SHROOM4: variants seen among roughly 807,000 people sequenced by gnomAD.
The protein encoded by SHROOM4 is shroom family member 4.
SHROOM4 carries 17 observed loss-of-function variants against 80.3 expected under a neutral mutation model. The ratio of observed to expected loss-of-function variants is 0.21; its 90% CI spans 0.14 to 0.32. The LOEUF (loss-of-function observed/expected upper bound fraction) is 0.32, where lower values mean the gene tolerates loss of function less well. Ranked by LOEUF, SHROOM4 falls within the 10% of genes least tolerant of loss-of-function variation. The pLI is 1.00. For synonymous variants in SHROOM4, 400 were observed against 437.5 expected (o/e 0.91, Z 1.07); for missense variants, 993 against 1,140.3 (o/e 0.87, Z 1.86).
chrX:50,627,693 G>A lies in SHROOM4; in HGVS notation c.2896-18C>T, dbSNP rs374467232. On this transcript the variant is annotated intron_variant, in intron 4 of 8. Coordinates refer to ENST00000376020, the MANE Select transcript of SHROOM4 (RefSeq NM_020717.5). ...GGAAATTCCTGTAAAGAAAAATCCT[G>A]ATAAGTTAGAAAGCTTTGAGCAGCC... The A allele has an allele frequency of 3.2e-4, 381 of 1,189,367 alleles. No homozygotes were observed. Among genetic ancestry groups the A allele is most frequent in the Middle Eastern group, 2.1e-3 (9 of 4,269 alleles).
chrX:50,756,604 T>C (rs1261651501), intron 1 of SHROOM4, among the ~76,000 whole-genome samples: 1 of 112,369 alleles, frequency 8.9e-6, no homozygotes, highest in East Asian at 2.8e-4. Flanking sequence ...CCATTTTGCA[T>C]TCGTATCAGC....
intron 1 of SHROOM4, among the ~76,000 whole-genome samples, chrX:50,727,057 T>A (rs782133368): frequency 8.8e-6 from 1 of 113,348 alleles, no homozygotes; most frequent in East Asian, 2.8e-4. Flanking sequence ...CCCTCCTGCA[T>A]CACTATGCCC....
chrX:50,620,747 T>G (rs1930538980), intron 5 of SHROOM4, among the ~76,000 whole-genome samples: 1 of 112,013 alleles, frequency 8.9e-6, no homozygotes, highest in Admixed American at 9.5e-5. Context: ...CTATTTGTAC[T>G]TCTTTAATTG....
chrX:50,646,533 T>A (rs1311702380), intron 2 of SHROOM4, among the ~76,000 whole-genome samples: 1 of 77,961 alleles, frequency 1.3e-5, no homozygotes, highest in Non-Finnish European at 2.3e-5. Context: ...GAAGAGTGTG[T>A]GTGTGTGTGT....
chrX:50,576,724 G>A, the SHROOM4 span, among the ~76,000 whole-genome samples: 1 of 110,867 alleles, frequency 9.0e-6, no homozygotes, highest in Admixed American at 9.6e-5. Flanking sequence ...TGATTCATCT[G>A]TAGTGTTCTT....
chrX:50,652,999 A>G (rs781914780), intron 2 of SHROOM4, among the ~76,000 whole-genome samples: 163 of 111,524 alleles, frequency 1.5e-3, no homozygotes, highest in Non-Finnish European at 2.6e-3. Context: ...GTCAGGTAGC[A>G]TGATGCCTCC....
In SHROOM4 at chrX:50,595,641, C is replaced by T. The variant is rs1282080399; in HGVS notation, c.*1054G>A. 1 of 253,028 alleles carries T rather than the reference C, an allele frequency of 4.0e-6. No homozygotes were observed. The highest frequency in any genetic ancestry group is 5.3e-5 in the Admixed American group (1 of 18,877). The allele number at this position is 253,028 out of a possible 1,213,427, so 20.9% of individuals were successfully genotyped here. ...GGCTCTGAGTTCAAGGGGAAAACTC[C>T]TTCCTAGACATCGGTAGCTATGGTG... On this transcript the variant is annotated 3_prime_UTR_variant, in exon 9 of 9. Coordinates refer to ENST00000376020, the MANE Select transcript of SHROOM4 (RefSeq NM_020717.5).
chrX:50,728,358 C>CA (rs1934288823), intron 1 of SHROOM4, among the ~76,000 whole-genome samples: 1 of 109,990 alleles, frequency 9.1e-6, no homozygotes, highest in Non-Finnish European at 1.9e-5. Context: ...GACTCCATCT[C>CA]AAAAAAAGAA....
chrX:50,704,193 G>A (rs140211513), intron 1 of SHROOM4, among the ~76,000 whole-genome samples: 4,868 of 111,493 alleles, frequency 0.044, 281 homozygotes, highest in African/African-American at 0.15. Flanking sequence ...TTTACCTACC[G>A]CCTAATATAA....
At chrX:50,623,987 T>C (rs1294495904) in intron 5 of SHROOM4, among the ~76,000 whole-genome samples, 1 of 110,682 alleles carries the variant, frequency 9.0e-6, no homozygotes, top group Non-Finnish European at 1.9e-5. Context: ...CAAAGTAGAT[T>C]AGTGGTTGCT....
intron 1 of SHROOM4, among the ~76,000 whole-genome samples, chrX:50,717,830 G>A (rs1051820711): frequency 1.8e-5 from 2 of 111,994 alleles, no homozygotes; most frequent in African/African-American, 3.3e-5. Context: ...TTATGTCTCA[G>A]TTCCATTAAA....
In SHROOM4 at chrX:50,596,557, G is replaced by A. The variant is rs1557246669; in HGVS notation, c.*138C>T. Reference sequence around the variant, plus strand: ...GGTTAGGACCACTGCTAGGGAAGGGGTAGTGAGAGACATCCAGGGTAGAGG... The same window carrying A: ...GGTTAGGACCACTGCTAGGGAAGGGATAGTGAGAGACATCCAGGGTAGAGG... On this transcript the variant is annotated 3_prime_UTR_variant, in exon 9 of 9. Coordinates refer to ENST00000376020, the MANE Select transcript of SHROOM4 (RefSeq NM_020717.5). The A allele has an allele frequency of 7.1e-6, 6 of 842,988 alleles. No individual in the cohort carries two copies. Among genetic ancestry groups the A allele is most frequent in the African/African-American group, 5.9e-5 (3 of 50,689 alleles). 69.5% of individuals were successfully genotyped at this position (842,988 alleles called of 1,213,427 possible).
At chrX:50,714,467 T>C (rs965172596) in intron 1 of SHROOM4, among the ~76,000 whole-genome samples, 13 of 111,729 alleles carry the variant, frequency 1.2e-4, no homozygotes, top group South Asian at 7.5e-4. Context: ...ATACTTAAGG[T>C]ATGGATACCC....
chrX:50,693,289 G>A (rs1014992907), intron 2 of SHROOM4, among the ~76,000 whole-genome samples: 1 of 110,953 alleles, frequency 9.0e-6, no homozygotes, highest in African/African-American at 3.3e-5. Flanking sequence ...AGGTTTGGCC[G>A]GGCGCAGTGC....
chrX:50,705,501 G>T (rs193195312), intron 1 of SHROOM4, among the ~76,000 whole-genome samples: 2 of 111,350 alleles, frequency 1.8e-5, no homozygotes, highest in Non-Finnish European at 3.8e-5. Flanking sequence ...GAGAGGACCA[G>T]ATTTTTAGCT....
intron 4 of SHROOM4, among the ~76,000 whole-genome samples, chrX:50,630,829 C>G (rs2147284902): frequency 9.0e-6 from 1 of 111,673 alleles, no homozygotes; most frequent in African/African-American, 3.2e-5. Context: ...ACACAAACTA[C>G]TAAAGCTTAC....
At chrX:50,582,794 A>T (rs1345210767), downstream of SHROOM4, among the ~76,000 whole-genome samples, 3 of 111,466 alleles carry the variant, frequency 2.7e-5, no homozygotes, top group African/African-American at 6.5e-5. Flanking sequence ...ATATACTTGA[A>T]CCTCTATTAT....
Position 50,652,288 on chromosome X carries a change from G to A in SHROOM4, c.270-13980C>T, listed in dbSNP as rs547309234. Among the ~76,000 whole-genome samples the A allele has an allele frequency of 5.3e-5, 6 of 112,287 alleles. No individual in the cohort carries two copies. The South Asian group carries it at 2.2e-3, about 42-fold the overall frequency. On this transcript the variant is annotated intron_variant, in intron 2 of 8. Transcript: ENST00000376020. ...ATGATTGCCATTCTAACTGGAGTGA[G>A]ATGGTATCTCATTGTGGTTTTGATT...
the SHROOM4 span, among the ~76,000 whole-genome samples, chrX:50,576,181 T>G: frequency 8.9e-6 from 1 of 112,036 alleles, no homozygotes; most frequent in African/African-American, 3.2e-5. Flanking sequence ...TGAAATGCAC[T>G]TTCTCTGGTC....
Sources: gnomAD v4.1 joint callset for allele counts (sites outside exome capture counted in the v4.1 genomes callset) on GRCh38, gnomAD v4.1.1 for gene constraint, MANE v1.5 for transcripts, NCBI Gene and HGNC (gene_info 2026-07-23, HGNC 2026-07-21) for gene names.